Variants in PAK4 observed in about 807,000 individuals in gnomAD.
PAK4 encodes p21 (RAC1) activated kinase 4, also known as serine/threonine-protein kinase PAK 4.
A neutral mutation model predicts 53.5 loss-of-function variants in PAK4; 49 were observed. That is an observed-to-expected ratio of 0.92 (90% confidence interval 0.73 to 1.16). The LOEUF (loss-of-function observed/expected upper bound fraction) is 1.16, where lower values mean the gene tolerates loss of function less well. Among genes scored for constraint, PAK4 ranks in the 50% most tolerant of loss-of-function variants. The pLI is 0.00. For missense variants in PAK4, 824 were observed against 850.7 expected, an observed-to-expected ratio of 0.97 and a Z score of 0.39; for synonymous variants, 376 against 375.6, an observed-to-expected ratio of 1.00 and a Z score of -0.01.
chr19:39,175,058 A>G lies in PAK4; in HGVS notation c.1226A>G (p.His409Arg), dbSNP rs1343788955. ...GGCGCCCTCACCGACATCGTCACCCACACCAGGTATTTCTGGGGCCTCAGA... is the reference window on the plus strand; with the variant it reads ...GGCGCCCTCACCGACATCGTCACCCGCACCAGGTATTTCTGGGGCCTCAGA... Residue 409 changes from histidine to arginine, a missense_variant, in exon 5 of 9, where the codon CAC (histidine) becomes CGC (arginine). Physicochemically the swap from His to Arg is conservative, Grantham distance 29. This residue lies in a region of PAK4 where 346 missense variants were observed against 415.0 expected (regional missense o/e 0.83). Coordinates refer to ENST00000358301, the Ensembl canonical transcript of PAK4. The surrounding 1 kb of genome is among the most constrained non-coding windows in gnomAD (Gnocchi z 4.7). The G allele has an allele frequency of 6.2e-7, 1 of 1,609,388 alleles. No homozygotes were observed. The highest frequency in any genetic ancestry group is 1.7e-5 in the Admixed American group (1 of 59,736).
chr19:39,164,965 C>T lies in PAK4; in HGVS notation c.-22-4567C>T, dbSNP rs191918597. Among the ~76,000 whole-genome samples, 14 of 151,876 alleles carry T rather than the reference C, an allele frequency of 9.2e-5. No homozygotes were observed. The East Asian group carries it at 2.7e-3, about 30-fold the overall frequency. On this transcript the variant is annotated intron_variant, in intron 1 of 8. Coordinates refer to ENST00000358301, the Ensembl canonical transcript of PAK4. Reference sequence around the variant, plus strand: ...TAAGCATCTTTCCTGCTGCACAGGCCCATGGGAAAGGCTGGTGTACAGCCA... The same window carrying T: ...TAAGCATCTTTCCTGCTGCACAGGCTCATGGGAAAGGCTGGTGTACAGCCA...
At chr19:39,130,261 A>C (rs12978768) in intron 1 of PAK4, among the ~76,000 whole-genome samples, 2 of 112,424 alleles carry the variant, frequency 1.8e-5, no homozygotes, top group Non-Finnish European at 3.5e-5. Context: ...GTGGTCAGAG[A>C]AGGATGGGGA....
chr19:39,127,429 C>T (rs955224323), intron 1 of PAK4, among the ~76,000 whole-genome samples: 4 of 152,068 alleles, frequency 2.6e-5, no homozygotes, highest in Admixed American at 2.6e-4. Flanking sequence ...CACCCTGGCT[C>T]GCCTTGCTGC....
At chr19:39,171,360 C>G (rs2074475999) in intron 2 of PAK4, among the ~76,000 whole-genome samples, 1 of 152,214 alleles carries the variant, frequency 6.6e-6, no homozygotes, top group Non-Finnish European at 1.5e-5. Flanking sequence ...AGGCGCCCAC[C>G]ACTATGCCCA....
At chr19:39,138,388 A>G (rs1393579896) in intron 1 of PAK4, among the ~76,000 whole-genome samples, 3 of 152,158 alleles carry the variant, frequency 2.0e-5, no homozygotes, top group Non-Finnish European at 4.4e-5. Context: ...ATTCCCTTTA[A>G]ATATTAGACA....
intron 1 of PAK4, among the ~76,000 whole-genome samples, chr19:39,129,258 G>A (rs1052863052): frequency 6.6e-6 from 1 of 151,750 alleles, no homozygotes; most frequent in Non-Finnish European, 1.5e-5. Context: ...ATGTGTGTAG[G>A]CCTGGGACAG....
chr19:39,173,649 C>CCTCCTT lies in PAK4; in HGVS notation c.741_742insTTCTCC (p.Ser247_Arg248insPheSer). The stretch of plus-strand genomic sequence containing the variant: ...GCCATCCCCCAGTCCTCCTCCTCCT[C>CCTCCTT]CTCCCGGCCTCCCACCCGAGCCCGA... On this transcript the variant is annotated inframe_insertion, in exon 4 of 9. Transcript: ENST00000358301. The surrounding 1 kb of genome is among the most constrained non-coding windows in gnomAD (Gnocchi z 6.9). The CCTCCTT allele has an allele frequency of 1.3e-6, 2 of 1,577,948 alleles. No individual in the cohort carries two copies. Among genetic ancestry groups the CCTCCTT allele is most frequent in the Non-Finnish European group, 8.6e-7 (1 of 1,160,984 alleles).
At chr19:39,166,178 C>A (rs1327423896) in intron 1 of PAK4, among the ~76,000 whole-genome samples, 1 of 152,230 alleles carries the variant, frequency 6.6e-6, no homozygotes, top group East Asian at 1.9e-4. Flanking sequence ...TCCAGGAAGG[C>A]CAGGCGCAGG....
chr19:39,163,621 G>T (rs1486454518), intron 1 of PAK4, among the ~76,000 whole-genome samples: 6 of 152,204 alleles, frequency 3.9e-5, no homozygotes, highest in Non-Finnish European at 8.8e-5. Flanking sequence ...GCATGTTAAA[G>T]AATTCAAAAG....
chr19:39,170,891 G>A (rs1329689962), intron 2 of PAK4, among the ~76,000 whole-genome samples: 2 of 152,234 alleles, frequency 1.3e-5, no homozygotes, highest in East Asian at 1.9e-4. Flanking sequence ...GGAGGCGAGT[G>A]GCAGCTGCCT....
chr19:39,130,982 C>T (rs1381523991), intron 1 of PAK4, among the ~76,000 whole-genome samples: 2 of 151,802 alleles, frequency 1.3e-5, no homozygotes, highest in African/African-American at 2.4e-5. Context: ...GGAGCGTCCT[C>T]GTGCCAGCTG....
chr19:39,139,111 G>A (rs988250883), intron 1 of PAK4, among the ~76,000 whole-genome samples: 27 of 152,154 alleles, frequency 1.8e-4, no homozygotes, highest in African/African-American at 5.5e-4. Flanking sequence ...GGCAGGGCCC[G>A]TCCCTCCCCA....
At chr19:39,164,469 G>C (rs962603772) in intron 1 of PAK4, among the ~76,000 whole-genome samples, 3 of 152,038 alleles carry the variant, frequency 2.0e-5, no homozygotes, top group Admixed American at 6.6e-5. Context: ...TCCAGGTGGG[G>C]CACTCGCCCA....
chr19:39,126,198 G>A (rs964009473), intron 1 of PAK4, among the ~76,000 whole-genome samples: 2 of 152,094 alleles, frequency 1.3e-5, no homozygotes, highest in Non-Finnish European at 2.9e-5. Context: ...AAAAGGCAGG[G>A]TCAAAGTTAA....
At position 39,173,293 on chromosome 19, in the gene PAK4, G is replaced by A; in HGVS notation, c.580G>A (p.Ala194Thr). The stretch of plus-strand genomic sequence containing the variant: ...CGGCACCCCCCAGCCTGCTGGTCTG[G>A]CCAGTGGGGCGAAACTGGCAGCTGG... The change falls in exon 3 of 9, where the codon GCC becomes ACC. Residue 194 changes from alanine (A) to threonine (T), a missense_variant. Transcript: ENST00000358301. This position sits in a 1 kb window ranked among gnomAD's most constrained non-coding sequence, Gnocchi z 6.9. 6.2e-7 allele frequency: 1 copy of A among 1,603,652 alleles called. No homozygotes were observed. Among genetic ancestry groups the A allele is most frequent in the Non-Finnish European group, 8.5e-7 (1 of 1,175,188 alleles).
In PAK4 at chr19:39,173,086, G is replaced by A; in HGVS notation, c.373G>A (p.Ala125Thr). The A allele has an allele frequency of 6.5e-7, 1 of 1,548,604 alleles. No homozygotes were observed. The highest frequency in any genetic ancestry group is 8.7e-7 in the Non-Finnish European group (1 of 1,146,564). ...GATGCCAGAGGAGCCGGCCACCACG[G>A]CCAGAGGGGGCCCAGGGAAGGCAGG... is the stretch of plus-strand genomic sequence containing the variant. The change falls in exon 3 of 9, where the codon GCC becomes ACC. Residue 125 changes from alanine to threonine, a missense_variant. Ala to Thr is a moderately conservative substitution (Grantham distance 58). Coordinates refer to ENST00000358301, the Ensembl canonical transcript of PAK4. This position sits in a 1 kb window ranked among gnomAD's most constrained non-coding sequence, Gnocchi z 6.9.
At chr19:39,159,944 C>T (rs1000944853) in intron 1 of PAK4, among the ~76,000 whole-genome samples, 2 of 152,200 alleles carry the variant, frequency 1.3e-5, no homozygotes, top group Non-Finnish European at 2.9e-5. Flanking sequence ...ATTGTGGGGG[C>T]TCATGGATTT....
downstream of PAK4, chr19:39,181,918 A>G (rs1046263157): frequency 3.3e-5 from 5 of 152,088 alleles, no homozygotes; most frequent in African/African-American, 1.2e-4. Context: ...CGGTTCTCAC[A>G]GTGTGGTTCC....
At chr19:39,172,691 G>C (rs544427876) in intron 2 of PAK4, among the ~76,000 whole-genome samples, 1 of 152,260 alleles carries the variant, frequency 6.6e-6, no homozygotes, top group Admixed American at 6.5e-5. Flanking sequence ...CCGAGCCCAG[G>C]GGGCAGCAGC....
Sources: gnomAD v4.1 joint callset for allele counts (sites outside exome capture counted in the v4.1 genomes callset) on GRCh38, gnomAD v4.1.1 for gene constraint, gnomAD v4.1.1 regional missense constraint, Gnocchi (gnomAD v3.1) non-coding constraint, MANE v1.5 for transcripts, NCBI Gene and HGNC (gene_info 2026-07-23, HGNC 2026-07-21) for gene names.